SESN1: variants seen among roughly 807,000 people sequenced by gnomAD.
SESN1 encodes the protein sestrin-1.
In SESN1, 30 loss-of-function variants were observed where a neutral mutation model predicts 59.3. The observed-to-expected ratio is 0.51, with a 90% confidence interval of 0.38 to 0.69. The LOEUF (loss-of-function observed/expected upper bound fraction) is 0.69. Ranked by LOEUF, SESN1 falls within the 30% of genes least tolerant of loss-of-function variation. The pLI, the probability that SESN1 is intolerant of heterozygous loss-of-function variation, is 0.00. For synonymous variants in SESN1, 197 were observed against 219.9 expected (o/e 0.90, Z 0.92); for missense variants, 566 against 673.0 (o/e 0.84, Z 1.76).
At position 109,085,445 on chromosome 6, in the gene SESN1, G is replaced by A. The variant is rs138075684; in HGVS notation, c.279+8350C>T. ...GAGGCAGGAGAATGGCGTGAACCCC[G>A]GAGGCGGAGCTTGCAGTGAGCCGAG... On this transcript the variant is annotated intron_variant, in intron 1 of 9. Transcript: ENST00000436639. 8.5e-3 allele frequency among the ~76,000 whole-genome samples: 1,288 copies of A among 152,112 alleles called. 22 individuals are homozygous for A. The highest frequency in any genetic ancestry group is 0.029 in the African/African-American group (1,208 of 41,458).
At chr6:109,057,761 C>T (rs1397500555) in intron 1 of SESN1, among the ~76,000 whole-genome samples, 1 of 152,222 alleles carries the variant, frequency 6.6e-6, no homozygotes, top group African/African-American at 2.4e-5. Flanking sequence ...CTTCTTAAAA[C>T]ATGTCTCCCT....
chr6:109,083,812 T>C (rs989475190), intron 1 of SESN1, among the ~76,000 whole-genome samples: 1 of 152,238 alleles, frequency 6.6e-6, no homozygotes, highest in Admixed American at 6.5e-5. Flanking sequence ...GGCTCAGTTT[T>C]TATCACATGA....
chr6:108,994,479 A>G lies in SESN1; in HGVS notation c.1103T>C (p.Met368Thr). 3 of 1,612,626 alleles carry G rather than the reference A, an allele frequency of 1.9e-6. No homozygotes were observed. The highest frequency in any genetic ancestry group is 1.1e-5 in the South Asian group (1 of 90,978). ...SRFEIEKRES[M>T]FVFSSDDEEV... Reference sequence around the variant, plus strand: ...GTTCTTACCTGAAGAGAAGACAAACATACTCTCTCTTTTTTCTATTTCAAA... The same window carrying G: ...GTTCTTACCTGAAGAGAAGACAAACGTACTCTCTCTTTTTTCTATTTCAAA... The change falls in exon 6 of 10, where the codon ATG (methionine) becomes ACG (threonine). Residue 368 changes from methionine to threonine, a missense_variant. Transcript: ENST00000436639.
chr6:108,994,141 A>G lies in SESN1; in HGVS notation c.1120+321T>C, dbSNP rs1779450550. Among the ~76,000 whole-genome samples the G allele has an allele frequency of 2.4e-5, 3 of 123,384 alleles. No homozygotes were observed. In the South Asian group the frequency reaches 8.3e-4, roughly 34 times the overall value. 80.9% of individuals were successfully genotyped at this position (123,384 alleles called of 152,430 possible). On this transcript the variant is annotated intron_variant, in intron 6 of 9. Coordinates refer to ENST00000436639, the MANE Select transcript of SESN1 (RefSeq NM_014454.3). ...GCAACAAAGCAAGACCCTGTTTCTTAAAAAAAAAAAAAAAAAAAAAAAGAG... is the reference window on the plus strand; with the variant it reads ...GCAACAAAGCAAGACCCTGTTTCTTGAAAAAAAAAAAAAAAAAAAAAAGAG...
rs1042533825 is a variant in SESN1 at position 108,985,199 on chromosome 6, C to G, written c.*2345G>C. Among the ~76,000 whole-genome samples the G allele has an allele frequency of 2.0e-5, 3 of 152,108 alleles. No homozygotes were observed. The highest frequency in any genetic ancestry group is 2.0e-4 in the Admixed American group (3 of 15,266). ...CAACAAGTTTTACTTATCTACTTAT[C>G]TCCTGGTGGTCTGTATCAAAATCAA... is the stretch of plus-strand genomic sequence containing the variant. On this transcript the variant is annotated 3_prime_UTR_variant, in exon 10 of 10. Transcript: ENST00000436639.
At chr6:109,001,173 AATC>A in intron 3 of SESN1, 112 bp downstream of exon 3, 3 of 870,044 alleles carry the variant, frequency 3.4e-6, no homozygotes, top group Non-Finnish European at 5.2e-6. Context: ...GTGCAACAGG[AATC>A]ATATTATATA....
chr6:109,083,037 G>T (rs1781152112), intron 1 of SESN1, among the ~76,000 whole-genome samples: 1 of 152,150 alleles, frequency 6.6e-6, no homozygotes, highest in South Asian at 2.1e-4. Context: ...TTATTTTACA[G>T]ATAAGTAAAC....
chr6:108,987,536 G>A lies in SESN1; in HGVS notation c.*8C>T. 1.3e-6 allele frequency: 2 copies of A among 1,510,556 alleles called. No homozygotes were observed. The highest frequency in any genetic ancestry group is 1.8e-6 in the Non-Finnish European group (2 of 1,087,356). The allele number at this position is 1,510,556 out of a possible 1,614,324, so 93.6% of individuals were successfully genotyped here. Reference sequence around the variant, plus strand: ...CATTCCAGAATCATCTTTAATGAAGGAAAGGCATCAGGTCATATAGCGGGT... The same window carrying A: ...CATTCCAGAATCATCTTTAATGAAGAAAAGGCATCAGGTCATATAGCGGGT... On this transcript the variant is annotated 3_prime_UTR_variant, in exon 10 of 10. Coordinates refer to ENST00000436639, the MANE Select transcript of SESN1 (RefSeq NM_014454.3).
At chr6:108,999,642 TG>T (rs1779573703) in intron 4 of SESN1, among the ~76,000 whole-genome samples, 1 of 152,130 alleles carries the variant, frequency 6.6e-6, no homozygotes, top group African/African-American at 2.4e-5. Context: ...GGCCAAGATG[TG>T]GGACAACAGG....
At chr6:109,009,377 C>G in intron 1 of SESN1, 1 of 1,467,912 alleles carries the variant, frequency 6.8e-7, no homozygotes, top group Non-Finnish European at 9.0e-7. Flanking sequence ...GGTCGCGGCC[C>G]CCGCCGCACT....
Position 108,990,807 on chromosome 6 carries a change from G to A in SESN1, c.1262C>T (p.Ser421Phe). 6.2e-7 allele frequency: 1 copy of A among 1,613,932 alleles called. No homozygotes were observed. The highest frequency in any genetic ancestry group is 8.5e-7 in the Non-Finnish European group (1 of 1,179,970). ...ATCTGGATAAAGGCGATTTACCAAA[G>A]AATAACCATGATCTTCCCAGCAATA... Reference protein sequence around the residue: ...QDYCWEDHGYSLVNRLYPDVG... With the variant: ...QDYCWEDHGYFLVNRLYPDVG... The change falls in exon 8 of 10, where the codon TCT becomes TTT. Residue 421 changes from serine to phenylalanine, a missense_variant. By Grantham distance (155) the Ser-to-Phe change is radical. Transcript: ENST00000436639.
In SESN1 at chr6:108,985,087, C is replaced by T; in HGVS notation, c.*2457G>A. On this transcript the variant is annotated 3_prime_UTR_variant, in exon 10 of 10. Transcript: ENST00000436639. ...TATGATATTCACATATACAAATATG[C>T]TAGTAACATTTCTGATTCATGTATG... Among the ~76,000 whole-genome samples, 1 of 152,058 alleles carries T rather than the reference C, an allele frequency of 6.6e-6. No homozygotes were observed. Among genetic ancestry groups the T allele is most frequent in the East Asian group, 1.9e-4 (1 of 5,202 alleles).
At chr6:109,039,266 T>C (rs1780301229) in intron 1 of SESN1, among the ~76,000 whole-genome samples, 1 of 152,198 alleles carries the variant, frequency 6.6e-6, no homozygotes, top group Non-Finnish European at 1.5e-5. Context: ...TTTTGCCTAC[T>C]TCACAAATTT....
At chr6:109,069,237 T>C (rs533212874) in intron 1 of SESN1, among the ~76,000 whole-genome samples, 1 of 152,166 alleles carries the variant, frequency 6.6e-6, no homozygotes, top group Non-Finnish European at 1.5e-5. Context: ...ATACTATTTT[T>C]TGAACTATTT....
rs1779158581 is a variant in SESN1, at chr6:108,985,491, C to CCAA, written c.*2050_*2052dup. Among the ~76,000 whole-genome samples the CCAA allele has an allele frequency of 6.6e-6, 1 of 152,136 alleles. No individual in the cohort carries two copies. The highest frequency in any genetic ancestry group is 2.1e-4 in the South Asian group (1 of 4,832). On this transcript the variant is annotated 3_prime_UTR_variant, in exon 10 of 10. Transcript: ENST00000436639. ...GTGTGTTTAGTTTTGAGAAAACACT[C>CCAA]CAACAGGAAGCACCTGCTAAATGGA...
Position 109,002,216 on chromosome 6 carries a change from G to C in SESN1, c.345+62C>G. The C allele has an allele frequency of 2.1e-6, 3 of 1,411,274 alleles. No homozygotes were observed. The Admixed American group carries it at 5.1e-5, about 24-fold the overall frequency. 87.4% of individuals were successfully genotyped at this position (1,411,274 alleles called of 1,614,324 possible). ...AACAGTTCTTCAGATGCCAACATGTGGGTCATGAAAGCTCTTCCTTAAAAG... is the reference window on the plus strand; with the variant it reads ...AACAGTTCTTCAGATGCCAACATGTCGGTCATGAAAGCTCTTCCTTAAAAG... On this transcript the variant is annotated intron_variant, in intron 2 of 9. Coordinates refer to ENST00000436639, the MANE Select transcript of SESN1 (RefSeq NM_014454.3).
chr6:109,025,108 C>T (rs563459796), intron 1 of SESN1, among the ~76,000 whole-genome samples: 59 of 151,876 alleles, frequency 3.9e-4, no homozygotes, highest in Non-Finnish European at 7.4e-4. Context: ...GATCAGAGAC[C>T]CCATCATAAA....
intron 1 of SESN1, among the ~76,000 whole-genome samples, chr6:109,059,151 C>T (rs894766901): frequency 6.6e-6 from 1 of 151,782 alleles, no homozygotes; most frequent in Non-Finnish European, 1.5e-5. Flanking sequence ...ATTTAACCAA[C>T]CTGAGGAAGC....
At chr6:108,998,883 G>C in intron 4 of SESN1, 128 bp from the exon 5 acceptor site, 1 of 1,132,796 alleles carries the variant, frequency 8.8e-7, no homozygotes, top group Non-Finnish European at 1.2e-6. Context: ...ATTATCATTT[G>C]AAACATGTAG....
Sources: allele counts gnomAD v4.1 joint callset (sites outside exome capture counted in the v4.1 genomes callset), GRCh38; gene constraint gnomAD v4.1.1; transcripts MANE v1.5; gene names NCBI Gene and HGNC (gene_info 2026-07-23, HGNC 2026-07-21).